The following KEL variants were observed in gnomAD, a reference collection of about 807,000 sequenced individuals.
KEL encodes kell blood group glycoprotein.
Under a neutral mutation model 99.5 loss-of-function variants are expected in KEL, and 96 were observed. That is an observed-to-expected ratio of 0.97 (90% CI 0.82 to 1.14). KEL has a LOEUF of 1.14. Among genes scored for constraint, KEL ranks in the 50% most tolerant of loss-of-function variants. The pLI is 0.00. For synonymous variants in KEL, 355 were observed against 354.8 expected (o/e 1.00, Z -0.01); for missense variants, 926 against 924.2 (o/e 1.00, Z -0.03).
At chr7:142,957,016 T>A (rs1796844674) in intron 6 of KEL, among the ~76,000 whole-genome samples, 28 of 152,104 alleles carry the variant, frequency 1.8e-4, no homozygotes, top group Admixed American at 1.8e-3. Flanking sequence ...CTGTGATAGG[T>A]CCTGAGAAAC....
At chr7:142,943,690 C>T in intron 14 of KEL, 93 bp downstream of exon 14, 1 of 1,449,070 alleles carries the variant, frequency 6.9e-7, no homozygotes, top group Non-Finnish European at 9.7e-7. Context: ...CATTACTGTT[C>T]ATGCTGCCTG....
intron 10 of KEL, chr7:142,946,733 C>T (rs904804628): frequency 4.8e-5 from 12 of 250,056 alleles, no homozygotes; most frequent in Middle Eastern, 1.5e-3. Flanking sequence ...TTGCTCAAAA[C>T]GGAGATTGCG....
intron 3 of KEL, 126 bp from the exon 4 acceptor site, chr7:142,961,230 G>T: frequency 1.3e-6 from 2 of 1,507,966 alleles, no homozygotes; most frequent in Non-Finnish European, 1.8e-6. Flanking sequence ...TGGTTAGGAT[G>T]CAGGGAGGAA....
chr7:142,956,166 A>T (rs769521981), intron 6 of KEL, among the ~76,000 whole-genome samples: 15 of 152,208 alleles, frequency 9.9e-5, no homozygotes, highest in Non-Finnish European at 2.2e-4. Context: ...CAATGGGATC[A>T]CTGTGTAATC....
intron 4 of KEL, among the ~76,000 whole-genome samples, chr7:142,960,262 C>T (rs910586450): frequency 1.3e-5 from 2 of 152,204 alleles, no homozygotes; most frequent in Non-Finnish European, 2.9e-5. Flanking sequence ...CCCTTTCATT[C>T]CACCATCATC....
In KEL at chr7:142,961,788, C is replaced by A. The variant is rs1253888151; in HGVS notation, c.81+7G>T. On this transcript the variant is annotated splice_region_variant and intron_variant, in intron 2 of 18. Coordinates refer to ENST00000355265, the MANE Select transcript of KEL (RefSeq NM_000420.3). Reference sequence around the variant, plus strand: ...GTATTCCAGACCCAGGAGAGGAGGCCACTTACCTCTTGGCTCCAGAGAGTT... The same window carrying A: ...GTATTCCAGACCCAGGAGAGGAGGCAACTTACCTCTTGGCTCCAGAGAGTT... 5.6e-6 allele frequency: 9 copies of A among 1,612,284 alleles called. No homozygotes were observed. Among genetic ancestry groups the A allele is most frequent in the Non-Finnish European group, 7.6e-6 (9 of 1,178,470 alleles).
intron 11 of KEL, among the ~76,000 whole-genome samples, chr7:142,945,356 G>T (rs1240483900): frequency 6.6e-6 from 1 of 152,184 alleles, no homozygotes; most frequent in African/African-American, 2.4e-5. Context: ...TTTGGTAACT[G>T]TGTGACTTTG....
At chr7:142,950,691 AG>A (rs1361861670) in intron 10 of KEL, among the ~76,000 whole-genome samples, 1 of 152,248 alleles carries the variant, frequency 6.6e-6, no homozygotes, top group African/African-American at 2.4e-5. Flanking sequence ...TTTGCACTAC[AG>A]GGACAGAGTT....
chr7:142,960,909 T>G lies in KEL; in HGVS notation c.400+19A>C, dbSNP rs947393413. ...AGTCACCCACTTGCACAGAGCATCT[T>G]CCACCCTGCTTTCCTCACCCAGTAT... is the stretch of plus-strand genomic sequence containing the variant. On this transcript the variant is annotated intron_variant, in intron 4 of 18. Coordinates refer to ENST00000355265, the MANE Select transcript of KEL (RefSeq NM_000420.3). The G allele has an allele frequency of 6.2e-7, 1 of 1,613,542 alleles. No individual in the cohort carries two copies. The highest frequency in any genetic ancestry group is 8.5e-7 in the Non-Finnish European group (1 of 1,179,548).
intron 13 of KEL, 128 bp downstream of exon 13, chr7:142,944,195 C>T: frequency 2.4e-6 from 2 of 818,922 alleles, no homozygotes; most frequent in South Asian, 1.4e-5. Context: ...TCAACCCCAG[C>T]CAGCACCAGA....
At chr7:142,944,036 C>A (rs995284801) in intron 13 of KEL, among the ~76,000 whole-genome samples, 153 bp from the exon 14 acceptor site, 7 of 152,182 alleles carry the variant, frequency 4.6e-5, no homozygotes, top group Non-Finnish European at 1.0e-4. Flanking sequence ...CATCACTACA[C>A]AGCACACCCA....
rs8176014 is a variant in KEL at position 142,947,173 on chromosome 7, C to T, written c.1204-856G>A. ...GACACACACTCAAGGAACCCAGGGA[C>T]AGGAGGAGGTAGCTGGCCTGAGGGA... is the stretch of plus-strand genomic sequence containing the variant. On this transcript the variant is annotated intron_variant, in intron 10 of 18. Transcript: ENST00000355265. Among the ~76,000 whole-genome samples, 781 of 152,296 alleles carry T rather than the reference C, an allele frequency of 5.1e-3. 7 individuals carry two copies. Among genetic ancestry groups the T allele is most frequent in the African/African-American group, 0.018 (749 of 41,560 alleles).
chr7:142,958,271 AT>A, intron 5 of KEL, 32 bp downstream of exon 5: 1 of 1,613,968 alleles, frequency 6.2e-7, no homozygotes, highest in Non-Finnish European at 8.5e-7. Flanking sequence ...TATGTTATGT[AT>A]CCAGAAAAGT....
At position 142,943,293 on chromosome 7, in the gene KEL, T is replaced by A. The variant is rs1344289536; in HGVS notation, c.1754A>T (p.His585Leu). ...TTACCCACAGAGCTGGTAGAAGATG[T>A]GCAACAGCTCGTGGGCCATGATGCT... Reference protein sequence around the residue: ...AGSIMAHELLHIFYQLLLPGG... With the variant: ...AGSIMAHELLLIFYQLLLPGG... Residue 585 changes from histidine to leucine, a missense_variant, in exon 16 of 19, where the codon CAC becomes CTC. By Grantham distance (99) the His-to-Leu change is moderately conservative (BLOSUM62 -3). Coordinates refer to ENST00000355265, the MANE Select transcript of KEL (RefSeq NM_000420.3). 6.2e-7 allele frequency: 1 copy of A among 1,614,038 alleles called. No homozygotes were observed. Among genetic ancestry groups the A allele is most frequent in the Admixed American group, 1.7e-5 (1 of 59,994 alleles).
At chr7:142,955,407 C>A (rs891952232) in intron 6 of KEL, among the ~76,000 whole-genome samples, 1 of 152,166 alleles carries the variant, frequency 6.6e-6, no homozygotes, top group South Asian at 2.1e-4. Flanking sequence ...AAGATTCACA[C>A]AGAATTTTGT....
intron 6 of KEL, among the ~76,000 whole-genome samples, chr7:142,957,549 A>C (rs945467728): frequency 1.3e-5 from 2 of 152,206 alleles, no homozygotes; most frequent in South Asian, 4.1e-4. Context: ...AATCCTAGAG[A>C]TAGGAGGACT....
chr7:142,958,439 A>T lies in KEL; in HGVS notation c.401-11T>A. On this transcript the variant is annotated splice_polypyrimidine_tract_variant and intron_variant, in intron 4 of 18. Coordinates refer to ENST00000355265, the MANE Select transcript of KEL (RefSeq NM_000420.3). Reference sequence around the variant, plus strand: ...AGGAATTCTGGACCTCTAGAAAGGAAGCATGGGAGTGAGGACTAAACTCTG... The same window carrying T: ...AGGAATTCTGGACCTCTAGAAAGGATGCATGGGAGTGAGGACTAAACTCTG... 1 of 1,613,698 alleles carries T rather than the reference A, an allele frequency of 6.2e-7. No individual in the cohort carries two copies.
At chr7:142,957,438 G>T (rs142548064) in intron 6 of KEL, among the ~76,000 whole-genome samples, 1 of 152,294 alleles carries the variant, frequency 6.6e-6, no homozygotes, top group African/African-American at 2.4e-5. Flanking sequence ...AAGCCACTGG[G>T]TCACTGACAA....
At chr7:142,959,439 C>A (rs8175966) in intron 4 of KEL, among the ~76,000 whole-genome samples, 2,372 of 151,572 alleles carry the variant, frequency 0.016, 65 homozygotes, top group African/African-American at 0.054. Flanking sequence ...GGGAAGAAAC[C>A]AAGAAGGAAA....
Sources: allele counts gnomAD v4.1 joint callset (sites outside exome capture counted in the v4.1 genomes callset), GRCh38; gene constraint gnomAD v4.1.1; transcripts MANE v1.5; gene names NCBI Gene and HGNC (gene_info 2026-07-23, HGNC 2026-07-21).